Variants in AGTPBP1 observed in about 807,000 individuals in gnomAD.
AGTPBP1 encodes the protein ATP/GTP binding carboxypeptidase 1.
Under a neutral mutation model 143.9 loss-of-function variants are expected in AGTPBP1, and 70 were observed. The observed-to-expected ratio is 0.49, with a 90% CI of 0.40 to 0.59. The LOEUF is 0.59. AGTPBP1 is among the 20% of genes least tolerant of loss of function. The pLI is 0.00. For synonymous variants in AGTPBP1, 463 were observed against 500.2 expected (o/e 0.93, Z 0.99); for missense variants, 1,229 against 1,464.5 (o/e 0.84, Z 2.62).
chr9:85,565,557 A>ATT (rs1827029116), intron 25 of AGTPBP1, among the ~76,000 whole-genome samples: 1 of 152,212 alleles, frequency 6.6e-6, no homozygotes, highest in Non-Finnish European at 1.5e-5. Flanking sequence ...CACAGACAAT[A>ATT]AAGAGAAAAG....
At chr9:85,706,658 C>T (rs1221119999) in intron 2 of AGTPBP1, among the ~76,000 whole-genome samples, 1 of 151,996 alleles carries the variant, frequency 6.6e-6, no homozygotes, top group Non-Finnish European at 1.5e-5. Flanking sequence ...ATCACGACAT[C>T]AGGAGATCGA....
chr9:85,779,227 ATAGATATAGATATAGAT>A, the AGTPBP1 span, among the ~76,000 whole-genome samples: 1 of 133,174 alleles, frequency 7.5e-6, no homozygotes, highest in Non-Finnish European at 1.5e-5. Context: ...AGATATAGAT[ATAGATATAGATATAGAT>A]ATCTATATAA....
intron 17 of AGTPBP1, among the ~76,000 whole-genome samples, chr9:85,613,463 T>C (rs578160647): frequency 6.6e-6 from 1 of 152,132 alleles, no homozygotes; most frequent in African/African-American, 2.4e-5. Flanking sequence ...AATATACATA[T>C]TGCAGATAGC....
At chr9:85,679,405 T>C (rs1835028616) in intron 4 of AGTPBP1, among the ~76,000 whole-genome samples, 1 of 151,902 alleles carries the variant, frequency 6.6e-6, no homozygotes, top group Non-Finnish European at 1.5e-5. Flanking sequence ...AATGAAGAAG[T>C]TCTTTTTTTT....
intron 14 of AGTPBP1, among the ~76,000 whole-genome samples, chr9:85,629,606 T>C (rs1004131736): frequency 6.6e-6 from 1 of 152,204 alleles, no homozygotes; most frequent in Non-Finnish European, 1.5e-5. Flanking sequence ...TAGTCCTCAA[T>C]CTGCATACAG....
chr9:85,796,370 A>C, the AGTPBP1 span, among the ~76,000 whole-genome samples: 1 of 152,194 alleles, frequency 6.6e-6, no homozygotes, highest in Non-Finnish European at 1.5e-5. Context: ...CAAATATCAC[A>C]TTTCATTAAA....
chr9:85,662,140 T>C (rs980069277), intron 8 of AGTPBP1, among the ~76,000 whole-genome samples: 2 of 152,044 alleles, frequency 1.3e-5, no homozygotes, highest in African/African-American at 4.8e-5. Flanking sequence ...GTAAAGAGCA[T>C]AACAGATTAC....
chr9:85,671,776 G>A (rs905370221), intron 7 of AGTPBP1, among the ~76,000 whole-genome samples: 1 of 152,094 alleles, frequency 6.6e-6, no homozygotes, highest in Non-Finnish European at 1.5e-5. Flanking sequence ...GTCTCTCTGT[G>A]AGCCCTCTTC....
At chr9:85,787,702 A>C in the AGTPBP1 span, among the ~76,000 whole-genome samples, 5 of 152,322 alleles carry the variant, frequency 3.3e-5, no homozygotes, top group East Asian at 9.6e-4. Context: ...CTGAGGAATT[A>C]TTTTGTTATT....
At chr9:85,608,711 A>G (rs1046595299) in intron 17 of AGTPBP1, among the ~76,000 whole-genome samples, 4 of 152,148 alleles carry the variant, frequency 2.6e-5, no homozygotes, top group Admixed American at 2.0e-4. Flanking sequence ...AGCACAATAC[A>G]TTCACAAAAA....
the AGTPBP1 span, among the ~76,000 whole-genome samples, chr9:85,761,236 C>T: frequency 6.6e-6 from 1 of 152,220 alleles, no homozygotes; most frequent in East Asian, 1.9e-4. Context: ...CCCCATCAAG[C>T]TACCAATGAC....
intron 17 of AGTPBP1, among the ~76,000 whole-genome samples, chr9:85,603,213 C>T (rs1005412614): frequency 6.6e-6 from 1 of 152,220 alleles, no homozygotes; most frequent in African/African-American, 2.4e-5. Context: ...ACTCCTCCCC[C>T]AATCCCAGGA....
chr9:85,698,621 G>C (rs1389933237), intron 2 of AGTPBP1, among the ~76,000 whole-genome samples: 1 of 140,112 alleles, frequency 7.1e-6, no homozygotes, highest in African/African-American at 2.6e-5. Context: ...ACACTGCAAA[G>C]CAGAGGAATG....
At chr9:85,753,021 A>G in the AGTPBP1 span, among the ~76,000 whole-genome samples, 3 of 152,124 alleles carry the variant, frequency 2.0e-5, no homozygotes, top group Non-Finnish European at 4.4e-5. Flanking sequence ...TCTCTAAAAA[A>G]TTTTTTTAAA....
In AGTPBP1 at chr9:85,546,854, G is replaced by GTT; in HGVS notation, c.*253_*254dup. On this transcript the variant is annotated 3_prime_UTR_variant, in exon 26 of 26. Coordinates refer to ENST00000357081, the MANE Select transcript of AGTPBP1 (RefSeq NM_001330701.2). ...TAAAAATTCATGCAATGATACTCAGGTTTTTTTTTTAAAGGTAAATCCAAT... is the reference window on the plus strand; with the variant it reads ...TAAAAATTCATGCAATGATACTCAGGTTTTTTTTTTTTAAAGGTAAATCCAAT... 36 of 268,376 alleles carry GTT rather than the reference G, an allele frequency of 1.3e-4. No individual in the cohort carries two copies. Among genetic ancestry groups the GTT allele is most frequent in the East Asian group, 2.2e-4 (3 of 13,866 alleles). The allele number at this position is 268,376 out of a possible 1,614,324, so 16.6% of individuals were successfully genotyped here.
chr9:85,777,996 G>A, the AGTPBP1 span, among the ~76,000 whole-genome samples: 14 of 152,298 alleles, frequency 9.2e-5, 1 homozygote, highest in Middle Eastern at 0.024. Context: ...TGTGAACCAG[G>A]CCCTAGTCTT....
chr9:85,622,814 A>G (rs1178869073), intron 14 of AGTPBP1, among the ~76,000 whole-genome samples: 1 of 152,204 alleles, frequency 6.6e-6, no homozygotes, highest in Admixed American at 6.5e-5. Flanking sequence ...CCAATAGTGA[A>G]GGATATGGCA....
chr9:85,587,453 C>T lies in AGTPBP1; in HGVS notation c.2904-493G>A, dbSNP rs539822206. On this transcript the variant is annotated intron_variant, in intron 21 of 25. Coordinates refer to ENST00000357081, the MANE Select transcript of AGTPBP1 (RefSeq NM_001330701.2). ...ATACCTTTTTGTTTATTTACGGGTACTAAGTAGTAAAGCTATCATGCAAAT... is the reference window on the plus strand; with the variant it reads ...ATACCTTTTTGTTTATTTACGGGTATTAAGTAGTAAAGCTATCATGCAAAT... Among the ~76,000 whole-genome samples the T allele has an allele frequency of 5.3e-5, 8 of 151,974 alleles. No homozygotes were observed. The East Asian group carries it at 1.5e-3, about 29-fold the overall frequency.
At chr9:85,764,267 G>T in the AGTPBP1 span, among the ~76,000 whole-genome samples, 1 of 151,948 alleles carries the variant, frequency 6.6e-6, no homozygotes, top group South Asian at 2.1e-4. Context: ...GGTGTCTCAC[G>T]TCTGTAATCT....
Sources: gnomAD v4.1 joint callset for allele counts (sites outside exome capture counted in the v4.1 genomes callset) on GRCh38, gnomAD v4.1.1 for gene constraint, MANE v1.5 for transcripts, NCBI Gene and HGNC (gene_info 2026-07-23, HGNC 2026-07-21) for gene names.